The following LRBA variants were observed in gnomAD, a reference collection of about 807,000 sequenced individuals.
LRBA encodes lipopolysaccharide-responsive and beige-like anchor protein.
A neutral mutation model predicts 330.0 loss-of-function variants in LRBA; 176 were observed. The observed-to-expected ratio is 0.53, with a 90% CI of 0.47 to 0.60. LRBA has a LOEUF of 0.60. Ranked by LOEUF, LRBA falls within the 20% of genes least tolerant of loss-of-function variation. The pLI is 0.00. For synonymous variants in LRBA, 1,230 were observed against 1,193.0 expected (o/e 1.03, Z -0.64); for missense variants, 3,259 against 3,444.8 (o/e 0.95, Z 1.35).
intron 34 of LRBA, among the ~76,000 whole-genome samples, chr4:150,774,893 T>C (rs1253992901): frequency 1.3e-5 from 2 of 152,190 alleles, no homozygotes; most frequent in Non-Finnish European, 2.9e-5. Flanking sequence ...CTTTTCTGCG[T>C]ATACAGGTAA....
intron 17 of LRBA, among the ~76,000 whole-genome samples, chr4:150,883,058 C>G (rs1728574012): frequency 6.6e-6 from 1 of 152,144 alleles, no homozygotes; most frequent in South Asian, 2.1e-4. Flanking sequence ...AGACCATCCC[C>G]CCTCCAATTT....
chr4:150,685,945 T>C (rs1012515157), intron 36 of LRBA, among the ~76,000 whole-genome samples: 4 of 152,048 alleles, frequency 2.6e-5, no homozygotes, highest in African/African-American at 9.7e-5. Flanking sequence ...CGAGTAATAG[T>C]CTGAAGAAAC....
In LRBA at chr4:150,577,323, G is replaced by A. The variant is rs545254992; in HGVS notation, c.6330+10725C>T. 4.6e-5 allele frequency among the ~76,000 whole-genome samples: 7 copies of A among 151,264 alleles called. No homozygotes were observed. The South Asian group carries it at 1.5e-3, about 32-fold the overall frequency. ...ATCTGGGTTATTTACTTTTCTTTCT[G>A]TTTTTAGTGAAATAATTTTTAAATT... On this transcript the variant is annotated intron_variant, in intron 40 of 56. Coordinates refer to ENST00000651943, the MANE Select transcript of LRBA (RefSeq NM_001364905.1).
chr4:150,433,338 AT>A (rs1455074768), intron 46 of LRBA, among the ~76,000 whole-genome samples: 1 of 152,108 alleles, frequency 6.6e-6, no homozygotes, highest in East Asian at 1.9e-4. Context: ...CAATTAAAGA[AT>A]CTTGAAAGAA....
chr4:150,304,607 C>A (rs1270443045), intron 52 of LRBA, among the ~76,000 whole-genome samples: 2 of 151,600 alleles, frequency 1.3e-5, no homozygotes, highest in African/African-American at 4.9e-5. Flanking sequence ...TAAGTTGACA[C>A]CAAAACATTT....
chr4:150,889,225 C>T (rs1042452480), intron 17 of LRBA, among the ~76,000 whole-genome samples: 2 of 151,608 alleles, frequency 1.3e-5, no homozygotes, highest in Non-Finnish European at 2.9e-5. Context: ...ATTATTGGAA[C>T]ACTAAGCTTG....
At chr4:150,767,986 C>A (rs1287460106) in intron 34 of LRBA, among the ~76,000 whole-genome samples, 1 of 148,900 alleles carries the variant, frequency 6.7e-6, no homozygotes, top group South Asian at 2.1e-4. Flanking sequence ...ATCACTTAAA[C>A]CTGGGAGGCA....
At chr4:150,543,546 G>A (rs1765540766) in intron 40 of LRBA, among the ~76,000 whole-genome samples, 1 of 152,124 alleles carries the variant, frequency 6.6e-6, no homozygotes. Context: ...AAACTTTTAT[G>A]AATGGTAAAC....
rs550764051 is a variant in LRBA at position 150,377,419 on chromosome 4, A to G, written c.7195-27260T>C. ...AAGCATTTAAGGTAACACTCATAAAACTATATCATTTGCAGTAAACATGTC... is the reference window on the plus strand; with the variant it reads ...AAGCATTTAAGGTAACACTCATAAAGCTATATCATTTGCAGTAAACATGTC... On this transcript the variant is annotated intron_variant, in intron 47 of 56. Coordinates refer to ENST00000651943, the MANE Select transcript of LRBA (RefSeq NM_001364905.1). Among the ~76,000 whole-genome samples the G allele has an allele frequency of 2.8e-4, 42 of 152,340 alleles. 1 individual carries two copies. Among genetic ancestry groups the G allele is most frequent in the African/African-American group, 9.4e-4 (39 of 41,582 alleles).
chr4:150,768,964 G>C (rs1736168738), intron 34 of LRBA, among the ~76,000 whole-genome samples: 1 of 103,002 alleles, frequency 9.7e-6, no homozygotes, highest in Admixed American at 1.6e-4. Context: ...TTGAGACACA[G>C]TCTCACTCTG....
intron 2 of LRBA, among the ~76,000 whole-genome samples, chr4:150,931,288 A>C (rs987981186): frequency 2.7e-5 from 4 of 150,188 alleles, no homozygotes; most frequent in Non-Finnish European, 4.4e-5. Flanking sequence ...TACAGATATC[A>C]CTCATAAAAA....
At chr4:150,892,811 A>C (rs1371405464) in intron 17 of LRBA, among the ~76,000 whole-genome samples, 1 of 152,188 alleles carries the variant, frequency 6.6e-6, no homozygotes, top group Non-Finnish European at 1.5e-5. Context: ...CACTCACCAT[A>C]CAAAATATTG....
At chr4:150,697,476 AT>A (rs903455774) in intron 36 of LRBA, among the ~76,000 whole-genome samples, 55 of 152,078 alleles carry the variant, frequency 3.6e-4, no homozygotes, top group Non-Finnish European at 5.7e-4. Flanking sequence ...AAATAAATGC[AT>A]TTTTTTAAGC....
At chr4:150,754,388 T>C (rs576730589) in intron 35 of LRBA, among the ~76,000 whole-genome samples, 1 of 151,976 alleles carries the variant, frequency 6.6e-6, no homozygotes, top group African/African-American at 2.4e-5. Flanking sequence ...TATAAGAGCA[T>C]ATACTTTATT....
intron 37 of LRBA, among the ~76,000 whole-genome samples, chr4:150,654,344 G>A (rs1779976289): frequency 6.6e-6 from 1 of 152,002 alleles, no homozygotes. Flanking sequence ...CTGCCACCAT[G>A]CCTGGCTAAT....
intron 17 of LRBA, among the ~76,000 whole-genome samples, chr4:150,882,466 T>A (rs904363267): frequency 2.0e-5 from 3 of 152,216 alleles, no homozygotes; most frequent in Non-Finnish European, 4.4e-5. Flanking sequence ...AAATAAATGT[T>A]TATTCTCTAT....
chr4:150,987,730 GGTGGCTCA>G (rs1464990456), intron 2 of LRBA, among the ~76,000 whole-genome samples: 1 of 151,160 alleles, frequency 6.6e-6, no homozygotes, highest in African/African-American at 2.4e-5. Flanking sequence ...GGCCAGGCGC[GGTGGCTCA>G]CACCTGTAAT....
chr4:150,282,385 C>G, intron 55 of LRBA, 65 bp downstream of exon 55: 2 of 1,433,442 alleles, frequency 1.4e-6, no homozygotes, highest in Non-Finnish European at 1.9e-6. Context: ...CGAACCCTCT[C>G]CCTCCCCACT....
In LRBA at chr4:150,301,056, G is replaced by C. The variant is rs537639981; in HGVS notation, c.8017+1569C>G. ...TTTTGAGATAAATAGCAAAATGGTA[G>C]ATTTATTATCAATTTTAAATATAGG... is the stretch of plus-strand genomic sequence containing the variant. On this transcript the variant is annotated intron_variant, in intron 53 of 56. Transcript: ENST00000651943. Among the ~76,000 whole-genome samples, 4 of 152,020 alleles carry C rather than the reference G, an allele frequency of 2.6e-5. No individual in the cohort carries two copies. The South Asian group carries it at 8.3e-4, about 32-fold the overall frequency.
Sources: allele counts gnomAD v4.1 joint callset (sites outside exome capture counted in the v4.1 genomes callset), GRCh38; gene constraint gnomAD v4.1.1; transcripts MANE v1.5; gene names NCBI Gene and HGNC (gene_info 2026-07-23, HGNC 2026-07-21).